Variants in MTMR2 observed in about 807,000 individuals in gnomAD.
MTMR2 encodes the protein phosphatidylinositol-3,5-bisphosphate 3-phosphatase MTMR2.
MTMR2 carries 55 observed loss-of-function variants against 86.9 expected under a neutral mutation model. That is an observed-to-expected ratio of 0.63 (90% CI 0.51 to 0.79). The LOEUF is 0.79. Ranked by LOEUF, MTMR2 falls within the 30% of genes least tolerant of loss-of-function variation. The pLI, the probability that MTMR2 is intolerant of heterozygous loss-of-function variation, is 0.00. For missense variants in MTMR2, 659 were observed against 772.3 expected (o/e 0.85, Z 1.74); for synonymous variants, 241 against 266.8 (o/e 0.90, Z 0.94).
intron 2 of MTMR2, among the ~76,000 whole-genome samples, chr11:95,873,889 A>G (rs538817834): frequency 2.0e-3 from 298 of 152,234 alleles, no homozygotes; most frequent in Non-Finnish European, 3.8e-3. Flanking sequence ...TTCAGTTTCC[A>G]TGTAGTTGAG....
chr11:95,920,305 T>C (rs1287195838), intron 1 of MTMR2, among the ~76,000 whole-genome samples: 1 of 152,066 alleles, frequency 6.6e-6, no homozygotes, highest in African/African-American at 2.4e-5. Flanking sequence ...AAGACAACTA[T>C]TGTTTTTTTT....
intron 1 of MTMR2, among the ~76,000 whole-genome samples, chr11:95,889,197 G>A (rs117941339): frequency 2.0e-5 from 3 of 150,284 alleles, no homozygotes; most frequent in East Asian, 2.0e-4. Context: ...GCAATGGTGC[G>A]ATCTCCGGTC....
At chr11:95,905,738 A>G (rs1321903887) in intron 1 of MTMR2, among the ~76,000 whole-genome samples, 1 of 152,220 alleles carries the variant, frequency 6.6e-6, no homozygotes, top group Non-Finnish European at 1.5e-5. Context: ...AACTAAAATC[A>G]GAACTCTTTT....
chr11:95,833,329 T>C lies in MTMR2; in HGVS notation c.*1961A>G, dbSNP rs1863106339. ...TAACCCTAATCAAAAAGGGAAAAAATTACACCTGCACAACCAATAGACATA... is the reference window on the plus strand; with the variant it reads ...TAACCCTAATCAAAAAGGGAAAAAACTACACCTGCACAACCAATAGACATA... On this transcript the variant is annotated 3_prime_UTR_variant, in exon 15 of 15. Coordinates refer to ENST00000346299, the MANE Select transcript of MTMR2 (RefSeq NM_016156.6). 3 of 152,104 alleles carry C rather than the reference T, an allele frequency of 2.0e-5. No homozygotes were observed. The highest frequency in any genetic ancestry group is 6.5e-5 in the Admixed American group (1 of 15,272). 9.4% of individuals were successfully genotyped at this position (152,104 alleles called of 1,614,324 possible).
intron 2 of MTMR2, among the ~76,000 whole-genome samples, chr11:95,867,854 C>G: frequency 6.7e-6 from 1 of 149,776 alleles, no homozygotes. Context: ...AAGAGAATAT[C>G]AACCCGAAAC....
chr11:95,910,115 G>A (rs113688646), intron 1 of MTMR2, among the ~76,000 whole-genome samples: 12 of 132,510 alleles, frequency 9.1e-5, no homozygotes, highest in African/African-American at 2.8e-4. Context: ...ACACACACAC[G>A]CACGCATGCA....
At chr11:95,888,890 A>C (rs1364674749) in intron 1 of MTMR2, among the ~76,000 whole-genome samples, 2 of 152,184 alleles carry the variant, frequency 1.3e-5, no homozygotes, top group African/African-American at 4.8e-5. Flanking sequence ...CAAACAAGGA[A>C]ATTTCAAGAA....
intron 2 of MTMR2, among the ~76,000 whole-genome samples, chr11:95,866,982 T>C (rs1864639638): frequency 6.6e-6 from 1 of 152,112 alleles, no homozygotes; most frequent in Non-Finnish European, 1.5e-5. Context: ...AAAGTACTTA[T>C]ATCAGTGTTA....
At chr11:95,875,662 G>A (rs1865081400) in intron 2 of MTMR2, among the ~76,000 whole-genome samples, 1 of 152,192 alleles carries the variant, frequency 6.6e-6, no homozygotes, top group Non-Finnish European at 1.5e-5. Context: ...CTCTGGAGGA[G>A]GAGAGGTGCT....
rs1022051868 is a variant in MTMR2 at position 95,870,704 on chromosome 11, CT to C, written c.187-5029del. ...CTCAAAAACACCAGGAACCTATCTT[CT>C]TTTTTTTTTTTAAGGTTCTTTTTTT... On this transcript the variant is annotated intron_variant, in intron 2 of 14. Coordinates refer to ENST00000346299, the MANE Select transcript of MTMR2 (RefSeq NM_016156.6). Among the ~76,000 whole-genome samples the C allele has an allele frequency of 1.9e-3, 204 of 109,146 alleles. 1 individual carries two copies. Among genetic ancestry groups the C allele is most frequent in the African/African-American group, 4.1e-3 (108 of 26,066 alleles). 71.6% of individuals were successfully genotyped at this position (109,146 alleles called of 152,430 possible).
At chr11:95,888,327 T>A in intron 1 of MTMR2, 66 bp from the exon 2 acceptor site, 1 of 1,022,374 alleles carries the variant, frequency 9.8e-7, no homozygotes, top group Non-Finnish European at 1.5e-6. Context: ...TCAGACATTG[T>A]ATTTAATATA....
At position 95,858,650 on chromosome 11, in the gene MTMR2, A is replaced by G. The variant is rs1864299264; in HGVS notation, c.469-18T>C. On this transcript the variant is annotated intron_variant, in intron 5 of 14. Coordinates refer to ENST00000346299, the MANE Select transcript of MTMR2 (RefSeq NM_016156.6). ...CTAATATCCTAGAAAAGATTTAGGAACCAAGTTAATAATTGTTCACTACTT... is the reference window on the plus strand; with the variant it reads ...CTAATATCCTAGAAAAGATTTAGGAGCCAAGTTAATAATTGTTCACTACTT... 6.8e-7 allele frequency: 1 copy of G among 1,475,624 alleles called. No individual in the cohort carries two copies. Among genetic ancestry groups the G allele is most frequent in the Non-Finnish European group, 9.5e-7 (1 of 1,057,556 alleles). The allele number at this position is 1,475,624 out of a possible 1,614,324, so 91.4% of individuals were successfully genotyped here. A position where few individuals can be genotyped will look rare whatever the true frequency, so the allele number is the denominator to read the frequency against.
At chr11:95,860,412 A>T (rs1864368299) in intron 5 of MTMR2, among the ~76,000 whole-genome samples, 1 of 152,132 alleles carries the variant, frequency 6.6e-6, no homozygotes, top group African/African-American at 2.4e-5. Context: ...GAGGTAGGAG[A>T]ATCACTTGAA....
At chr11:95,884,642 T>C (rs1865453286) in intron 2 of MTMR2, among the ~76,000 whole-genome samples, 3 of 152,180 alleles carry the variant, frequency 2.0e-5, no homozygotes, top group Non-Finnish European at 2.9e-5. Context: ...TCTATCATAA[T>C]AGCAGGCTAG....
At chr11:95,918,046 G>A (rs1382831287) in intron 1 of MTMR2, among the ~76,000 whole-genome samples, 1 of 152,066 alleles carries the variant, frequency 6.6e-6, no homozygotes, top group African/African-American at 2.4e-5. Context: ...CTAATAAATC[G>A]ACAAGAGATG....
chr11:95,851,390 T>C (rs1441526538), intron 7 of MTMR2, among the ~76,000 whole-genome samples: 2 of 151,152 alleles, frequency 1.3e-5, no homozygotes, highest in East Asian at 3.9e-4. Context: ...GGAGACAGAG[T>C]TTCGCTCTTG....
chr11:95,835,671 AG>A (rs1392906821), intron 14 of MTMR2, among the ~76,000 whole-genome samples: 3 of 152,076 alleles, frequency 2.0e-5, no homozygotes, highest in African/African-American at 7.2e-5. Flanking sequence ...CCTGCTGTGT[AG>A]GTGCTCCTGA....
intron 1 of MTMR2, among the ~76,000 whole-genome samples, chr11:95,921,840 T>C (rs1258923862): frequency 6.6e-6 from 1 of 152,218 alleles, no homozygotes; most frequent in African/African-American, 2.4e-5. Context: ...CGAGGAGTAC[T>C]TAATTTTCTC....
chr11:95,909,540 C>T (rs371933058), intron 1 of MTMR2, among the ~76,000 whole-genome samples: 1 of 152,120 alleles, frequency 6.6e-6, no homozygotes, highest in Non-Finnish European at 1.5e-5. Flanking sequence ...TTAGCTTCCT[C>T]GGAAGGATGG....
Sources: allele counts gnomAD v4.1 joint callset (sites outside exome capture counted in the v4.1 genomes callset), GRCh38; gene constraint gnomAD v4.1.1; transcripts MANE v1.5; gene names NCBI Gene and HGNC (gene_info 2026-07-23, HGNC 2026-07-21).